Variants in AGFG1 observed in about 807,000 individuals in gnomAD.
AGFG1 encodes the protein arf-GAP domain and FG repeat-containing protein 1.
AGFG1 carries 10 observed loss-of-function variants against 60.6 expected under a neutral mutation model. The ratio of observed to expected loss-of-function variants is 0.16; its 90% CI spans 0.10 to 0.28. The LOEUF (loss-of-function observed/expected upper bound fraction) is 0.28, where lower values mean the gene tolerates loss of function less well. Ranked by LOEUF, AGFG1 falls within the 10% of genes least tolerant of loss-of-function variation. AGFG1 has a pLI of 1.00. For missense variants in AGFG1, 537 were observed against 676.5 expected (o/e 0.79, Z 2.29); for synonymous variants, 247 against 242.9 (o/e 1.02, Z -0.16).
In AGFG1 at chr2:227,559,237, AG is replaced by A. The variant is rs1473966762; in HGVS notation, c.*4744del. 1.3e-5 allele frequency: 2 copies of A among 152,198 alleles called. No homozygotes were observed. Among genetic ancestry groups the A allele is most frequent in the Non-Finnish European group, 2.9e-5 (2 of 68,020 alleles). The allele number at this position is 152,198 out of a possible 1,614,324, so 9.4% of individuals were successfully genotyped here. On this transcript the variant is annotated 3_prime_UTR_variant, in exon 13 of 13. Transcript: ENST00000310078. ...TTTTGAAATGGGGCATGTACTCTTA[AG>A]GTGGCCACTAGCTTACCATTCCCAA...
intron 2 of AGFG1, among the ~76,000 whole-genome samples, chr2:227,515,581 C>T (rs1404134339): frequency 1.3e-5 from 2 of 152,054 alleles, no homozygotes; most frequent in African/African-American, 4.8e-5. Context: ...TTAATATAAT[C>T]ACCTTTTTCC....
chr2:227,518,064 G>A (rs530741792), intron 2 of AGFG1, among the ~76,000 whole-genome samples: 107 of 152,286 alleles, frequency 7.0e-4, no homozygotes, highest in African/African-American at 2.5e-3. Flanking sequence ...CAGTATATAC[G>A]TTTTGGTGGG....
At position 227,557,967 on chromosome 2, in the gene AGFG1, A is replaced by G. The variant is rs1341990152; in HGVS notation, c.*3472A>G. The stretch of plus-strand genomic sequence containing the variant: ...GAACCACTATACTTTAAATTTGTGT[A>G]TTTCTAGAACAGTATTTACTTGCAG... On this transcript the variant is annotated 3_prime_UTR_variant, in exon 13 of 13. Transcript: ENST00000310078. 6.6e-6 allele frequency: 1 copy of G among 152,180 alleles called. No individual in the cohort carries two copies. The highest frequency in any genetic ancestry group is 1.5e-5 in the Non-Finnish European group (1 of 68,032). The allele number at this position is 152,180 out of a possible 1,614,324, so 9.4% of individuals were successfully genotyped here.
In AGFG1 at chr2:227,560,407, C is replaced by A. The variant is rs1693102055; in HGVS notation, c.*5912C>A. 7.1e-6 allele frequency: 1 copy of A among 141,842 alleles called. No homozygotes were observed. The highest frequency in any genetic ancestry group is 1.5e-5 in the Non-Finnish European group (1 of 65,062). 8.8% of individuals were successfully genotyped at this position (141,842 alleles called of 1,614,324 possible). On this transcript the variant is annotated 3_prime_UTR_variant, in exon 13 of 13. Transcript: ENST00000310078. ...ATCTTGTGCTTCCATTTAAGAAATT[C>A]TTCCATTTAAAGAAGAAAAAAAATC...
chr2:227,491,898 C>T lies in AGFG1; in HGVS notation c.261+258C>T, dbSNP rs75334661. On this transcript the variant is annotated intron_variant, in intron 2 of 12. Coordinates refer to ENST00000310078, the MANE Select transcript of AGFG1 (RefSeq NM_004504.5). ...TCAGTCTTGAATATAAAAGGCGTTTCGGAGGACACCCATTATTACAGTTAT... is the reference window on the plus strand; with the variant it reads ...TCAGTCTTGAATATAAAAGGCGTTTTGGAGGACACCCATTATTACAGTTAT... 3.6e-3 allele frequency among the ~76,000 whole-genome samples: 549 copies of T among 152,150 alleles called. 1 individual carries two copies. Among genetic ancestry groups the T allele is most frequent in the African/African-American group, 0.012 (516 of 41,512 alleles).
chr2:227,545,055 T>C (rs916781681), intron 10 of AGFG1, among the ~76,000 whole-genome samples: 2 of 152,234 alleles, frequency 1.3e-5, no homozygotes, highest in Non-Finnish European at 2.9e-5. Flanking sequence ...CAGAGTGTTT[T>C]CCAACTTGGT....
chr2:227,508,618 G>A (rs1227263133), intron 2 of AGFG1: 2 of 470,608 alleles, frequency 4.2e-6, no homozygotes, highest in South Asian at 1.6e-5. Flanking sequence ...ATCTTTGGGA[G>A]TGAGAATGCT....
At chr2:227,545,888 T>C (rs190830521) in intron 10 of AGFG1, among the ~76,000 whole-genome samples, 56 of 152,216 alleles carry the variant, frequency 3.7e-4, no homozygotes, top group African/African-American at 1.3e-3. Context: ...CTGTATGAGG[T>C]GTCAATCGGC....
intron 1 of AGFG1, among the ~76,000 whole-genome samples, chr2:227,473,401 T>C (rs1034006045): frequency 7.9e-5 from 12 of 152,152 alleles, no homozygotes; most frequent in African/African-American, 2.7e-4. Context: ...GATGGAGTTA[T>C]CTGTGAGATT....
At chr2:227,472,902 C>T (rs1345278231) in intron 1 of AGFG1, among the ~76,000 whole-genome samples, 3 of 151,026 alleles carry the variant, frequency 2.0e-5, no homozygotes, top group South Asian at 2.1e-4. Flanking sequence ...TCCCTGGTCT[C>T]CGTCGAGCCT....
chr2:227,554,367 T>A lies in AGFG1; in HGVS notation c.1630-69T>A, dbSNP rs368810399. Reference sequence around the variant, plus strand: ...CTAATTAAAAAAATTAAATTCAGTTTAATGTTTTTATATTTTGTACATGCA... The same window carrying A: ...CTAATTAAAAAAATTAAATTCAGTTAAATGTTTTTATATTTTGTACATGCA... On this transcript the variant is annotated intron_variant, in intron 12 of 12. Coordinates refer to ENST00000310078, the MANE Select transcript of AGFG1 (RefSeq NM_004504.5). The A allele has an allele frequency of 1.2e-5, 16 of 1,286,310 alleles. No homozygotes were observed. The African/African-American group carries it at 2.1e-4, about 17-fold the overall frequency. The allele number at this position is 1,286,310 out of a possible 1,614,324, so 79.7% of individuals were successfully genotyped here. A position where few individuals can be genotyped will look rare whatever the true frequency, so the allele number is the denominator to read the frequency against.
Position 227,477,627 on chromosome 2 carries a change from G to A in AGFG1, c.167+5039G>A, listed in dbSNP as rs1258153955. ...TCTTTTTTTTGTTTTTATTTTTTGA[G>A]ACGGAGTTTCACTCGTCACCCAGGC... On this transcript the variant is annotated intron_variant, in intron 1 of 12. Coordinates refer to ENST00000310078, the MANE Select transcript of AGFG1 (RefSeq NM_004504.5). Among the ~76,000 whole-genome samples, 4 of 152,040 alleles carry A rather than the reference G, an allele frequency of 2.6e-5. No individual in the cohort carries two copies. In the East Asian group the frequency reaches 7.7e-4, roughly 29 times the overall value.
intron 1 of AGFG1, among the ~76,000 whole-genome samples, chr2:227,485,031 T>C (rs1330689108): frequency 6.6e-6 from 1 of 151,976 alleles, no homozygotes; most frequent in Non-Finnish European, 1.5e-5. Context: ...TTTGTTTTGT[T>C]TTTTATCTGA....
At position 227,556,336 on chromosome 2, in the gene AGFG1, A is replaced by G. The variant is rs779410989; in HGVS notation, c.*1841A>G. On this transcript the variant is annotated 3_prime_UTR_variant, in exon 13 of 13. Transcript: ENST00000310078. Reference sequence around the variant, plus strand: ...ATTGCTGTCTAGTGTACATCTAGCTAAAAGTGTGGTTTATCTAAACCGTTT... The same window carrying G: ...ATTGCTGTCTAGTGTACATCTAGCTGAAAGTGTGGTTTATCTAAACCGTTT... The G allele has an allele frequency of 6.6e-6, 1 of 152,616 alleles. No homozygotes were observed. The highest frequency in any genetic ancestry group is 1.5e-5 in the Non-Finnish European group (1 of 68,032). The allele number at this position is 152,616 out of a possible 1,614,324, so 9.5% of individuals were successfully genotyped here. A position where few individuals can be genotyped will look rare whatever the true frequency, so the allele number is the denominator to read the frequency against.
chr2:227,513,278 A>G (rs1431739578), intron 2 of AGFG1, among the ~76,000 whole-genome samples: 1 of 152,164 alleles, frequency 6.6e-6, no homozygotes, highest in Admixed American at 6.6e-5. Flanking sequence ...GATAGCTGCT[A>G]TCTGCACTTC....
At chr2:227,551,514 T>C (rs1377653499) in intron 10 of AGFG1, among the ~76,000 whole-genome samples, 1 of 152,026 alleles carries the variant, frequency 6.6e-6, no homozygotes, top group Non-Finnish European at 1.5e-5. Flanking sequence ...GGTTTAAAAT[T>C]TTTTTTTGCA....
At chr2:227,473,900 GGTGTGC>G (rs1377064011) in intron 1 of AGFG1, among the ~76,000 whole-genome samples, 1 of 152,084 alleles carries the variant, frequency 6.6e-6, no homozygotes, top group Non-Finnish European at 1.5e-5. Context: ...AAGGCCCTGG[GGTGTGC>G]CAGTAAATAT....
At chr2:227,544,344 C>T (rs979132452) in intron 10 of AGFG1, among the ~76,000 whole-genome samples, 2 of 151,834 alleles carry the variant, frequency 1.3e-5, no homozygotes, top group Non-Finnish European at 2.9e-5. Flanking sequence ...TTAGTAGAGA[C>T]GGGATTTCAC....
At position 227,560,273 on chromosome 2, in the gene AGFG1, T is replaced by C. The variant is rs1289099331; in HGVS notation, c.*5778T>C. On this transcript the variant is annotated 3_prime_UTR_variant, in exon 13 of 13. Coordinates refer to ENST00000310078, the MANE Select transcript of AGFG1 (RefSeq NM_004504.5). ...TCTACTAAAAATATTGTTATAATGA[T>C]AATATCCTTATGCATATATGAAGAT... 2.0e-5 allele frequency: 3 copies of C among 152,162 alleles called. No homozygotes were observed. The highest frequency in any genetic ancestry group is 4.4e-5 in the Non-Finnish European group (3 of 67,988). The allele number at this position is 152,162 out of a possible 1,614,324, so 9.4% of individuals were successfully genotyped here. A position where few individuals can be genotyped will look rare whatever the true frequency, so the allele number is the denominator to read the frequency against.
Sources: gnomAD v4.1 joint callset for allele counts (sites outside exome capture counted in the v4.1 genomes callset) on GRCh38, gnomAD v4.1.1 for gene constraint, MANE v1.5 for transcripts, NCBI Gene and HGNC (gene_info 2026-07-23, HGNC 2026-07-21) for gene names.